The following MMD2 variants were observed in gnomAD, a reference collection of about 807,000 sequenced individuals.
MMD2 encodes the protein monocyte to macrophage differentiation factor 2.
In MMD2, 30 loss-of-function variants were observed where a neutral mutation model predicts 33.5. The observed-to-expected ratio is 0.90, with a 90% CI of 0.67 to 1.22. The LOEUF (loss-of-function observed/expected upper bound fraction) is 1.22. MMD2 is among the 50% of genes most tolerant of loss of function. MMD2 has a pLI of 0.00. For synonymous variants in MMD2, 129 were observed against 123.0 expected, an observed-to-expected ratio of 1.05 and a Z score of -0.32; for missense variants, 364 against 325.4, an observed-to-expected ratio of 1.12 and a Z score of -0.91.
the MMD2 span, among the ~76,000 whole-genome samples, chr7:4,892,669 T>C: frequency 6.6e-6 from 1 of 151,974 alleles, no homozygotes; most frequent in Non-Finnish European, 1.5e-5. Flanking sequence ...AGGTAGAACA[T>C]ACTAAGAGTG....
Position 4,946,511 on chromosome 7 carries a change from C to T in MMD2, c.47+12460G>A, listed in dbSNP as rs1359482694. 6.6e-6 allele frequency among the ~76,000 whole-genome samples: 1 copy of T among 152,040 alleles called. No individual in the cohort carries two copies. Among genetic ancestry groups the T allele is most frequent in the East Asian group, 1.9e-4 (1 of 5,198 alleles). On this transcript the variant is annotated intron_variant, in intron 1 of 6. Coordinates refer to ENST00000401401, the MANE Select transcript of MMD2 (RefSeq NM_198403.4). The surrounding 1 kb of genome is among the most constrained non-coding windows in gnomAD (Gnocchi z 5.0). ...TTGAAAAAGCATAAAATTGCAACCGCGAGTGAAACAAAGGATTCAGACAAT... is the reference window on the plus strand; with the variant it reads ...TTGAAAAAGCATAAAATTGCAACCGTGAGTGAAACAAAGGATTCAGACAAT...
At chr7:4,898,758 G>T in the MMD2 span, among the ~76,000 whole-genome samples, 1 of 152,112 alleles carries the variant, frequency 6.6e-6, no homozygotes, top group Non-Finnish European at 1.5e-5. Flanking sequence ...AATTAGCTGG[G>T]CTCCATGGTA....
intron 1 of MMD2, among the ~76,000 whole-genome samples, chr7:4,926,734 TTTTC>T (rs1785437693): frequency 6.6e-6 from 1 of 151,956 alleles, no homozygotes; most frequent in Admixed American, 6.6e-5. Context: ...CAACTGGTAG[TTTTC>T]TTTTTTTCTT....
rs750194068 is a variant in MMD2, at chr7:4,925,533, C to G, written c.48-1G>C. 6.4e-7 allele frequency: 1 copy of G among 1,564,496 alleles called. No homozygotes were observed. The highest frequency in any genetic ancestry group is 8.7e-7 in the Non-Finnish European group (1 of 1,153,678). ...GGCAGGGACTCGGTGGTTCATGAAC[C>G]TGGAAGGAGAGGGAGAATTCCAGGA... On this transcript the variant is annotated splice_acceptor_variant, in intron 1 of 6. Coordinates refer to ENST00000401401, the MANE Select transcript of MMD2 (RefSeq NM_198403.4). LOFTEE classifies it high-confidence loss of function.
At chr7:4,929,220 C>T (rs1044109924) in intron 1 of MMD2, among the ~76,000 whole-genome samples, 1 of 152,154 alleles carries the variant, frequency 6.6e-6, no homozygotes, top group Non-Finnish European at 1.5e-5. Context: ...GTGACTTCAA[C>T]ACCAGGGTCA....
In MMD2 at chr7:4,906,843, A is replaced by G. The variant is rs774137442; in HGVS notation, c.*553T>C. 12 of 305,700 alleles carry G rather than the reference A, an allele frequency of 3.9e-5. No homozygotes were observed. Among genetic ancestry groups the G allele is most frequent in the Non-Finnish European group, 6.0e-5 (10 of 166,054 alleles). The allele number at this position is 305,700 out of a possible 1,614,324, so 18.9% of individuals were successfully genotyped here. A position where few individuals can be genotyped will look rare whatever the true frequency, so the allele number is the denominator to read the frequency against. On this transcript the variant is annotated 3_prime_UTR_variant, in exon 7 of 7. Transcript: ENST00000401401. ...TTGATTGGTACTGGCTGCCCAGAACACTGTGCTGGGAAGAATTCTGACATC... is the reference window on the plus strand; with the variant it reads ...TTGATTGGTACTGGCTGCCCAGAACGCTGTGCTGGGAAGAATTCTGACATC...
intron 2 of MMD2, among the ~76,000 whole-genome samples, chr7:4,922,582 A>AT (rs1044031759): frequency 4.5e-4 from 68 of 151,854 alleles, no homozygotes; most frequent in African/African-American, 1.5e-3. Flanking sequence ...ATATATATAC[A>AT]TTTTTTTTTA....
chr7:4,907,075 G>T lies in MMD2; in HGVS notation c.*321C>A, dbSNP rs753781597. The stretch of plus-strand genomic sequence containing the variant: ...ATTCTTCAGGACCTTAGGAAACACA[G>T]ATTGGCCCGTCATTCCCCAATTTTC... On this transcript the variant is annotated 3_prime_UTR_variant, in exon 7 of 7. Coordinates refer to ENST00000401401, the MANE Select transcript of MMD2 (RefSeq NM_198403.4). 20 of 348,504 alleles carry T rather than the reference G, an allele frequency of 5.7e-5. No individual in the cohort carries two copies. The highest frequency in any genetic ancestry group is 9.6e-5 in the Non-Finnish European group (18 of 187,046). The allele number at this position is 348,504 out of a possible 1,614,324, so 21.6% of individuals were successfully genotyped here.
Position 4,907,476 on chromosome 7 carries a change from A to G in MMD2, c.661T>C (p.Phe221Leu). ...AHAIWHLFVA[F>L]GAGTHYYAIW... is the part of the protein sequence containing the mutation. ...GCATAGTAGTGGGTACCAGCACCAA[A>G]TGCTACAAAGAGATGCCAGATGGCG... Residue 221 changes from phenylalanine (F) to leucine (L), a missense_variant, in exon 7 of 7, where the codon TTT becomes CTT. Phe to Leu is a conservative substitution (Grantham distance 22). Coordinates refer to ENST00000401401, the MANE Select transcript of MMD2 (RefSeq NM_198403.4). The G allele has an allele frequency of 6.2e-7, 1 of 1,613,976 alleles. No individual in the cohort carries two copies. The highest frequency in any genetic ancestry group is 8.5e-7 in the Non-Finnish European group (1 of 1,179,902).
At position 4,915,997 on chromosome 7, in the gene MMD2, G is replaced by T. The variant is rs764159950; in HGVS notation, c.365+8C>A. Reference sequence around the variant, plus strand: ...CAAGGGTTTGCTGGGCGGCGGGACGGTACTCACCAGGGTGCGTAGGAAGCC... The same window carrying T: ...CAAGGGTTTGCTGGGCGGCGGGACGTTACTCACCAGGGTGCGTAGGAAGCC... On this transcript the variant is annotated splice_region_variant and intron_variant, in intron 4 of 6. Transcript: ENST00000401401. The T allele has an allele frequency of 6.2e-7, 1 of 1,612,630 alleles. No individual in the cohort carries two copies. Among genetic ancestry groups the T allele is most frequent in the Non-Finnish European group, 8.5e-7 (1 of 1,178,786 alleles).
intron 1 of MMD2, among the ~76,000 whole-genome samples, chr7:4,932,610 G>T (rs1476996264): frequency 6.9e-6 from 1 of 144,772 alleles, no homozygotes; most frequent in East Asian, 2.1e-4. Flanking sequence ...CCTGTCCCCT[G>T]TCCTCTGTGG....
the MMD2 span, among the ~76,000 whole-genome samples, chr7:4,892,781 T>C: frequency 1.3e-5 from 2 of 151,738 alleles, no homozygotes; most frequent in African/African-American, 4.8e-5. Flanking sequence ...AGTGGTGTGA[T>C]CTTGGCTCAC....
chr7:4,918,421 G>T (rs1376273344), intron 3 of MMD2, among the ~76,000 whole-genome samples: 1 of 151,802 alleles, frequency 6.6e-6, no homozygotes, highest in Non-Finnish European at 1.5e-5. Flanking sequence ...AGCTTGAGTT[G>T]AATGTGGCTG....
At chr7:4,921,791 G>A (rs2115106023) in intron 2 of MMD2, among the ~76,000 whole-genome samples, 1 of 152,234 alleles carries the variant, frequency 6.6e-6, no homozygotes, top group East Asian at 1.9e-4. Flanking sequence ...GATGGGGACA[G>A]GTCAACAGCA....
rs547101138 is a variant in MMD2, at chr7:4,923,279, T to C, written c.129+2172A>G. 3.9e-5 allele frequency among the ~76,000 whole-genome samples: 6 copies of C among 152,122 alleles called. No individual in the cohort carries two copies. The South Asian group carries it at 1.0e-3, about 26-fold the overall frequency. Reference sequence around the variant, plus strand: ...CTACCACACCTGGCTAATTTTTGTATTTTTAGTAGAGATGGGGTTTCACCA... The same window carrying C: ...CTACCACACCTGGCTAATTTTTGTACTTTTAGTAGAGATGGGGTTTCACCA... On this transcript the variant is annotated intron_variant, in intron 2 of 6. Coordinates refer to ENST00000401401, the MANE Select transcript of MMD2 (RefSeq NM_198403.4).
Position 4,946,984 on chromosome 7 carries a change from G to A in MMD2, c.47+11987C>T, listed in dbSNP as rs556439623. Reference sequence around the variant, plus strand: ...GCACTTTGGGAGACCGAGATGGGCCGATCACCTGAGGTCAGGAGTTCAAGA... The same window carrying A: ...GCACTTTGGGAGACCGAGATGGGCCAATCACCTGAGGTCAGGAGTTCAAGA... On this transcript the variant is annotated intron_variant, in intron 1 of 6. Transcript: ENST00000401401. This position sits in a 1 kb window ranked among gnomAD's most constrained non-coding sequence, Gnocchi z 5.0. 2.6e-5 allele frequency among the ~76,000 whole-genome samples: 4 copies of A among 152,120 alleles called. No individual in the cohort carries two copies. Among genetic ancestry groups the A allele is most frequent in the East Asian group, 3.9e-4 (2 of 5,172 alleles).
chr7:4,904,807 C>A (rs1355516582), downstream of MMD2, among the ~76,000 whole-genome samples: 1 of 152,188 alleles, frequency 6.6e-6, no homozygotes, highest in African/African-American at 2.4e-5. Context: ...TCCAGCAAGA[C>A]ACAGTCCCTC....
chr7:4,944,760 C>CTTTTTTTTTTTTTTTT (rs142716643), intron 1 of MMD2, among the ~76,000 whole-genome samples: 9 of 75,274 alleles, frequency 1.2e-4, no homozygotes, highest in African/African-American at 1.7e-4. Context: ...TCTTCTTCTT[C>CTTTTTTTTTTTTTTTT]TTTTTTTTTT....
chr7:4,925,713 T>G (rs752735839), intron 1 of MMD2, among the ~76,000 whole-genome samples, 181 bp from the exon 2 acceptor site: 2 of 152,234 alleles, frequency 1.3e-5, no homozygotes, highest in Non-Finnish European at 2.9e-5. Context: ...TTCCGATCAT[T>G]AAATGGTTTT....
Sources: allele counts gnomAD v4.1 joint callset (sites outside exome capture counted in the v4.1 genomes callset), GRCh38; gene constraint gnomAD v4.1.1; non-coding constraint Gnocchi (gnomAD v3.1); transcripts MANE v1.5; gene names NCBI Gene and HGNC (gene_info 2026-07-23, HGNC 2026-07-21).